Variants in C13orf46 observed in about 807,000 individuals in gnomAD.
C13orf46 encodes the protein uncharacterized protein C13orf46.
chr13:113,952,186 G>A (rs1398373488), downstream of C13orf46, among the ~76,000 whole-genome samples: 1 of 152,220 alleles, frequency 6.6e-6, no homozygotes. Context: ...CACGGACACA[G>A]GTGTTTGGAG....
chr13:113,928,785 C>T, the C13orf46 span: 5 of 152,584 alleles, frequency 3.3e-5, no homozygotes, highest in African/African-American at 9.7e-5. Context: ...TGTTTCTAAT[C>T]CTGTGCTGGG....
chr13:113,952,648 G>A (rs2052493886), downstream of C13orf46, among the ~76,000 whole-genome samples: 1 of 152,236 alleles, frequency 6.6e-6, no homozygotes, highest in African/African-American at 2.4e-5. Context: ...AGCCCAGGCG[G>A]CATCTGTGCC....
rs2052506007 is a variant in C13orf46, at chr13:113,954,603, T to C, written c.*2170A>G. On this transcript the variant is annotated 3_prime_UTR_variant, in exon 7 of 7. Coordinates refer to ENST00000636427, the MANE Select transcript of C13orf46 (RefSeq NM_001365455.2). ...GCAGGGACTTTGGTGACACAGCAGA[T>C]GCTCCATCCCTGCCCTGCACCTCTC... 1 of 152,590 alleles carries C rather than the reference T, an allele frequency of 6.6e-6. No homozygotes were observed. The highest frequency in any genetic ancestry group is 2.4e-5 in the African/African-American group (1 of 41,466). The allele number at this position is 152,590 out of a possible 1,614,324, so 9.5% of individuals were successfully genotyped here.
At chr13:113,938,153 T>G in the C13orf46 span, among the ~76,000 whole-genome samples, 1 of 152,180 alleles carries the variant, frequency 6.6e-6, no homozygotes, top group African/African-American at 2.4e-5. Flanking sequence ...GGGATGTGGT[T>G]GCGGCCTCAA....
the C13orf46 span, among the ~76,000 whole-genome samples, chr13:113,940,514 T>C: frequency 7.5e-6 from 1 of 132,482 alleles, no homozygotes; most frequent in African/African-American, 2.7e-5. Context: ...TGGGACTCCA[T>C]GTGTGAGGCT....
At chr13:113,939,781 A>G in the C13orf46 span, among the ~76,000 whole-genome samples, 6,041 of 152,248 alleles carry the variant, frequency 0.04, 292 homozygotes, top group East Asian at 0.18. Context: ...CTCTGGGCCC[A>G]GCGCCATCTC....
Position 113,965,563 on chromosome 13 carries a change from ATGGTGATGATGATGATTATAATGG to A in C13orf46, c.505-593_505-570del, listed in dbSNP as rs1309830017. ...GGTGATAATGTTGATGGTGATGACG[ATGGTGATGATGATGATTATAATGG>A]TGGTGATGATGACGGTGACTATACT... On this transcript the variant is annotated intron_variant, in intron 5 of 6. Transcript: ENST00000636427. Among the ~76,000 whole-genome samples the A allele has an allele frequency of 4.5e-3, 690 of 152,176 alleles. 13 individuals carry two copies. The East Asian group carries it at 0.065, about 14-fold the overall frequency.
the C13orf46 span, chr13:113,927,786 T>C: frequency 2.5e-6 from 1 of 395,474 alleles, no homozygotes; most frequent in Non-Finnish European, 4.5e-6. Flanking sequence ...CGGAGGATGA[T>C]TTTTCATAGC....
the C13orf46 span, chr13:113,927,283 A>C: frequency 2.8e-6 from 1 of 358,144 alleles, no homozygotes. Context: ...GGGTATGGGG[A>C]CCTTCATATG....
chr13:113,972,181 T>C (rs974329036), intron 1 of C13orf46, among the ~76,000 whole-genome samples: 2 of 152,168 alleles, frequency 1.3e-5, no homozygotes, highest in Admixed American at 6.5e-5. Flanking sequence ...GGCGGCATTA[T>C]TGGAGATCCA....
At position 113,956,086 on chromosome 13, in the gene C13orf46, G is replaced by C. The variant is rs2052529580; in HGVS notation, c.*687C>G. 6.3e-6 allele frequency: 1 copy of C among 159,682 alleles called. No homozygotes were observed. 9.9% of individuals were successfully genotyped at this position (159,682 alleles called of 1,614,324 possible). On this transcript the variant is annotated 3_prime_UTR_variant, in exon 7 of 7. Transcript: ENST00000636427. Reference sequence around the variant, plus strand: ...GAGAGGAGGAGTAGGATCTGGCGGAGAGGTGGAGTAGTATCTGGCGGAGAG... The same window carrying C: ...GAGAGGAGGAGTAGGATCTGGCGGACAGGTGGAGTAGTATCTGGCGGAGAG...
chr13:113,927,199 G>T, the C13orf46 span: 6 of 229,226 alleles, frequency 2.6e-5, no homozygotes. Flanking sequence ...CTTCACCAAC[G>T]GGGACAGCAG....
At chr13:113,945,594 A>AGAGAAAGAAAG in the C13orf46 span, among the ~76,000 whole-genome samples, 11 of 128,042 alleles carry the variant, frequency 8.6e-5, no homozygotes, top group East Asian at 2.2e-4. Context: ...AGAGAGAGAG[A>AGAGAAAGAAAG]AAGAAAGAAA....
the C13orf46 span, among the ~76,000 whole-genome samples, chr13:113,945,439 G>C: frequency 7.2e-5 from 11 of 151,958 alleles, no homozygotes; most frequent in Non-Finnish European, 1.3e-4. Flanking sequence ...CAGCTACTCA[G>C]GAGGCTGAGG....
chr13:113,945,657 AAAGAAAG>A, the C13orf46 span, among the ~76,000 whole-genome samples: 1 of 137,740 alleles, frequency 7.3e-6, no homozygotes, highest in Non-Finnish European at 1.6e-5. Flanking sequence ...AGAAAGAAAG[AAAGAAAG>A]AAAGAAAGGA....
the C13orf46 span, among the ~76,000 whole-genome samples, chr13:113,930,365 CA>C: frequency 3.6e-3 from 290 of 79,708 alleles, no homozygotes; most frequent in African/African-American, 0.019. Flanking sequence ...GGTGGGGGCG[CA>C]GGAGCACCGA....
rs2052515003 is a variant in C13orf46, at chr13:113,955,227, GACGAGGAGC to G, written c.*1537_*1545del. 2.8e-5 allele frequency: 6 copies of G among 210,578 alleles called. No individual in the cohort carries two copies. Among genetic ancestry groups the G allele is most frequent in the Admixed American group, 6.2e-5 (1 of 16,116 alleles). The allele number at this position is 210,578 out of a possible 1,614,324, so 13.0% of individuals were successfully genotyped here. On this transcript the variant is annotated 3_prime_UTR_variant, in exon 7 of 7. Transcript: ENST00000636427. ...GTGGAGACGAGGAGCATCCCGTGGA[GACGAGGAGC>G]ATCTGGCGGAGACGAGGAGCATCTG...
intron 6 of C13orf46, among the ~76,000 whole-genome samples, chr13:113,959,882 G>A (rs2052573881): frequency 6.6e-6 from 1 of 152,208 alleles, no homozygotes; most frequent in Non-Finnish European, 1.5e-5. Context: ...TAAGGTTTAT[G>A]AAAAGATAAT....
chr13:113,930,784 C>G, the C13orf46 span, among the ~76,000 whole-genome samples: 1 of 152,210 alleles, frequency 6.6e-6, no homozygotes, highest in South Asian at 2.1e-4. Context: ...GGATTAGATG[C>G]GGTGATGCCC....
Sources: allele counts gnomAD v4.1 joint callset (sites outside exome capture counted in the v4.1 genomes callset), GRCh38; gene constraint gnomAD v4.1.1; transcripts MANE v1.5; gene names NCBI Gene and HGNC (gene_info 2026-07-23, HGNC 2026-07-21).